The following OR3A3 variants were observed in gnomAD, a reference collection of about 807,000 sequenced individuals.
OR3A3 encodes the protein olfactory receptor family 3 subfamily A member 3.
For missense variants in OR3A3, 275 were observed against 391.4 expected (o/e 0.70, Z 2.51); for synonymous variants, 103 against 163.9 (o/e 0.63, Z 2.84).
rs371451696 is a variant in OR3A3 at position 3,420,738 on chromosome 17, C to T, written c.153C>T (p.Ala51=). The T allele has an allele frequency of 5.0e-4, 705 of 1,417,564 alleles. 5 individuals carry two copies. In the African/African-American group the frequency reaches 5.7e-3, roughly 11 times the overall value. 87.8% of individuals were successfully genotyped at this position (1,417,564 alleles called of 1,614,324 possible). ...GGGGCAACCTCAGCATCCTGGCAGC[C>T]GTCTTGGTGGAGCCCAAACTCCACG... Residue 51 remains alanine (A), a synonymous_variant, in exon 3 of 3, where the codon GCC becomes GCT. Coordinates refer to ENST00000641141, the Ensembl canonical transcript of OR3A3.
intron 2 of OR3A3, among the ~76,000 whole-genome samples, chr17:3,420,033 C>T (rs2072419646): frequency 6.6e-6 from 1 of 152,164 alleles, no homozygotes; most frequent in Non-Finnish European, 1.5e-5. Flanking sequence ...TCCCAAAGTG[C>T]TGGGATTACA....
intron 2 of OR3A3, among the ~76,000 whole-genome samples, chr17:3,419,578 T>C (rs563891890): frequency 9.2e-5 from 14 of 152,302 alleles, no homozygotes; most frequent in South Asian, 4.1e-4. Flanking sequence ...TTACCTTGAT[T>C]TAATCATTTT....
exon 3 of OR3A3, chr17:3,421,756 T>A: frequency 2.1e-6 from 1 of 475,192 alleles, no homozygotes; most frequent in Non-Finnish European, 3.6e-6. Context: ...AGGGCATTGG[T>A]GAGCAAAATG....
At position 3,416,597 on chromosome 17, in the gene OR3A3, T is replaced by C. The variant is rs1390055224; in HGVS notation, c.-6-3983T>C. 3.9e-5 allele frequency among the ~76,000 whole-genome samples: 6 copies of C among 152,130 alleles called. No homozygotes were observed. In the East Asian group the frequency reaches 1.2e-3, roughly 29 times the overall value. ...TCTTTCTCTACTTTTTCTATAGTAG[T>C]CTGTTTAGATTTTCTAACTGTTCTA... On this transcript the variant is annotated intron_variant, in intron 2 of 2. Coordinates refer to ENST00000641141, the Ensembl canonical transcript of OR3A3.
At chr17:3,419,767 T>C (rs2072415704) in intron 2 of OR3A3, among the ~76,000 whole-genome samples, 1 of 130,358 alleles carries the variant, frequency 7.7e-6, no homozygotes, top group South Asian at 2.5e-4. Flanking sequence ...GGAGTCTCAC[T>C]CTGTCGCCCA....
chr17:3,421,401 C>A, exon 3 of OR3A3: 1 of 1,614,030 alleles, frequency 6.2e-7, no homozygotes, highest in Non-Finnish European at 8.5e-7. Context: ...AATCTTCAGA[C>A]AAGGATAAGG....
At position 3,419,168 on chromosome 17, in the gene OR3A3, G is replaced by C. The variant is rs145381602; in HGVS notation, c.-6-1412G>C. Among the ~76,000 whole-genome samples the C allele has an allele frequency of 9.1e-4, 139 of 152,344 alleles. 1 individual carries two copies. The highest frequency in any genetic ancestry group is 2.6e-3 in the African/African-American group (110 of 41,572). On this transcript the variant is annotated intron_variant, in intron 2 of 2. Transcript: ENST00000641141. ...TAACACTAGCAATTAATTGAACAAG[G>C]AGTGTTGAATTGACACTTCATAGTG...
At chr17:3,414,193 A>T (rs1039081082) in intron 2 of OR3A3, among the ~76,000 whole-genome samples, 4 of 152,006 alleles carry the variant, frequency 2.6e-5, no homozygotes, top group Admixed American at 1.3e-4. Flanking sequence ...TGCCTCAGCC[A>T]CCCGAGTAGC....
At chr17:3,415,317 T>A (rs1013066796) in intron 2 of OR3A3, among the ~76,000 whole-genome samples, 38 of 151,958 alleles carry the variant, frequency 2.5e-4, no homozygotes, top group Non-Finnish European at 2.9e-4. Flanking sequence ...TCCCAGCACT[T>A]TGGGAGGCCG....
chr17:3,418,286 A>G (rs1319821357), intron 2 of OR3A3, among the ~76,000 whole-genome samples: 1 of 152,120 alleles, frequency 6.6e-6, no homozygotes, highest in African/African-American at 2.4e-5. Flanking sequence ...GTCTAAATGA[A>G]TCGAAAGGTT....
intron 2 of OR3A3, among the ~76,000 whole-genome samples, chr17:3,416,007 T>C (rs981227516): frequency 6.6e-6 from 1 of 151,848 alleles, no homozygotes; most frequent in Admixed American, 6.6e-5. Context: ...AGATGGGGTT[T>C]CACCATGCTG....
intron 2 of OR3A3, among the ~76,000 whole-genome samples, chr17:3,417,612 T>C (rs1022930550): frequency 6.6e-6 from 1 of 152,210 alleles, no homozygotes; most frequent in African/African-American, 2.4e-5. Context: ...CTTGAGTTTT[T>C]GAGTGTCCAA....
chr17:3,417,594 C>T (rs1057437510), intron 2 of OR3A3, among the ~76,000 whole-genome samples: 1 of 152,114 alleles, frequency 6.6e-6, no homozygotes, highest in Non-Finnish European at 1.5e-5. Flanking sequence ...GCTCATAGAA[C>T]AACTATTCTT....
At chr17:3,421,766 G>A in exon 3 of OR3A3, 1 of 442,190 alleles carries the variant, frequency 2.3e-6, no homozygotes, top group Non-Finnish European at 3.9e-6. Context: ...TGAGCAAAAT[G>A]GACAAAAGTC....
intron 1 of OR3A3, 100 bp from the exon 2 acceptor site, chr17:3,411,878 A>C (rs2072364226): frequency 6.6e-6 from 1 of 152,106 alleles, no homozygotes; most frequent in Admixed American, 6.6e-5. Context: ...CTTGTGAGAA[A>C]GTCTAAATAC....
exon 3 of OR3A3, chr17:3,423,958 A>C (rs1485976280): frequency 5.9e-5 from 9 of 151,890 alleles, no homozygotes; most frequent in Non-Finnish European, 1.3e-4. Flanking sequence ...AAAAAGAAAA[A>C]AAAAAAAAAA....
At chr17:3,419,404 A>G (rs2072412282) in intron 2 of OR3A3, among the ~76,000 whole-genome samples, 1 of 152,208 alleles carries the variant, frequency 6.6e-6, no homozygotes, top group African/African-American at 2.4e-5. Flanking sequence ...CTCTGATTCT[A>G]TGACATTGAC....
chr17:3,411,726 T>A (rs183157954), intron 1 of OR3A3, among the ~76,000 whole-genome samples: 193 of 151,792 alleles, frequency 1.3e-3, no homozygotes, highest in South Asian at 0.011. Flanking sequence ...CCATATAGAG[T>A]CTCCAGCTGC....
intron 2 of OR3A3, among the ~76,000 whole-genome samples, chr17:3,419,201 T>A (rs914068267): frequency 6.6e-6 from 1 of 152,260 alleles, no homozygotes; most frequent in African/African-American, 2.4e-5. Flanking sequence ...GTGTGGTCCC[T>A]CTCTTTGAAG....
Sources: allele counts gnomAD v4.1 joint callset (sites outside exome capture counted in the v4.1 genomes callset), GRCh38; gene constraint gnomAD v4.1.1; transcripts MANE v1.5; gene names NCBI Gene and HGNC (gene_info 2026-07-23, HGNC 2026-07-21).